Variants in TG observed in about 807,000 individuals in gnomAD.
TG encodes the protein thyroid hormones.
A neutral mutation model predicts 324.7 loss-of-function variants in TG; 270 were observed. That is an observed-to-expected ratio of 0.83 (90% CI 0.75 to 0.92). TG has a LOEUF of 0.92. Among genes scored for constraint, TG ranks in the 40% least tolerant of loss-of-function variants. The pLI is 0.00. For synonymous variants in TG, 1,401 were observed against 1,327.0 expected (o/e 1.06, Z -1.21); for missense variants, 3,591 against 3,456.4 (o/e 1.04, Z -0.98).
At chr8:133,012,369 T>G (rs781653210) in intron 36 of TG, among the ~76,000 whole-genome samples, 1 of 152,144 alleles carries the variant, frequency 6.6e-6, no homozygotes, top group Non-Finnish European at 1.5e-5. Flanking sequence ...GGTGGGCTGT[T>G]GTGGTGAGGA....
At position 132,999,718 on chromosome 8, in the gene TG, G is replaced by C. The variant is rs73708811; in HGVS notation, c.6263-12183G>C. Among the ~76,000 whole-genome samples, 1,348 of 152,290 alleles carry C rather than the reference G, an allele frequency of 8.9e-3. 14 individuals carry two copies. The highest frequency in any genetic ancestry group is 0.031 in the African/African-American group (1,282 of 41,546). On this transcript the variant is annotated intron_variant, in intron 35 of 47. Transcript: ENST00000220616. The stretch of plus-strand genomic sequence containing the variant: ...TATGCAGCAGAGAACAAATGTGGCT[G>C]GTGAGGCCTACAATATTTACTACCT...
At chr8:133,023,741 A>G (rs1346356495) in intron 40 of TG, among the ~76,000 whole-genome samples, 1 of 152,156 alleles carries the variant, frequency 6.6e-6, no homozygotes, top group Admixed American at 6.5e-5. Context: ...GGCTTAGAGC[A>G]TTTCTAGACA....
chr8:132,956,337 A>T (rs903592562), intron 27 of TG, among the ~76,000 whole-genome samples: 1 of 151,772 alleles, frequency 6.6e-6, no homozygotes, highest in Non-Finnish European at 1.5e-5. Context: ...GTGCTGGGGG[A>T]GTGGGTGATA....
chr8:133,130,649 A>C (rs1177266763), intron 45 of TG, among the ~76,000 whole-genome samples: 1 of 152,184 alleles, frequency 6.6e-6, no homozygotes, highest in Non-Finnish European at 1.5e-5. Context: ...TATTCTCCCC[A>C]GGGCTTTCAG....
At chr8:133,042,591 C>T (rs1338750271) in intron 41 of TG, among the ~76,000 whole-genome samples, 1 of 149,796 alleles carries the variant, frequency 6.7e-6, no homozygotes, top group Non-Finnish European at 1.5e-5. Context: ...AAGTAATTTG[C>T]CTAAAGGCAT....
At chr8:132,874,700 G>A (rs1839799543) in intron 5 of TG, among the ~76,000 whole-genome samples, 1 of 152,158 alleles carries the variant, frequency 6.6e-6, no homozygotes, top group African/African-American at 2.4e-5. Flanking sequence ...CTTTTATTAG[G>A]TTGAACCCCA....
chr8:133,012,104 A>T, intron 36 of TG, 69 bp downstream of exon 36: 1 of 1,600,996 alleles, frequency 6.2e-7, no homozygotes, highest in Non-Finnish European at 8.6e-7. Flanking sequence ...CAAGATTCTC[A>T]ACTTAGAAAA....
At chr8:132,994,352 T>C (rs1258256413) in intron 35 of TG, among the ~76,000 whole-genome samples, 3 of 152,150 alleles carry the variant, frequency 2.0e-5, no homozygotes, top group Admixed American at 1.3e-4. Context: ...AACAAGTGGG[T>C]AAACCGGTTC....
At chr8:132,912,070 C>T (rs1262856072) in intron 19 of TG, among the ~76,000 whole-genome samples, 1 of 152,172 alleles carries the variant, frequency 6.6e-6, no homozygotes, top group Non-Finnish European at 1.5e-5. Context: ...GAGGCAAGTC[C>T]ATTTTCTCTT....
In TG at chr8:133,025,444, A is replaced by G. The variant is rs373377520; in HGVS notation, c.7036+3294A>G. Among the ~76,000 whole-genome samples the G allele has an allele frequency of 6.4e-4, 98 of 152,338 alleles. 2 individuals are homozygous for G. The South Asian group carries it at 0.019, about 30-fold the overall frequency. On this transcript the variant is annotated intron_variant, in intron 40 of 47. Transcript: ENST00000220616. ...TATTATTTAGACCTGTTTTAAGTTT[A>G]TAGAAAAGTGAGCAGAAAGGACAGA...
chr8:133,056,863 A>G (rs766510106), intron 41 of TG, among the ~76,000 whole-genome samples: 5 of 152,142 alleles, frequency 3.3e-5, no homozygotes, highest in Non-Finnish European at 7.4e-5. Context: ...GTGGTCTGCA[A>G]GCTTTAGGGG....
intron 26 of TG, among the ~76,000 whole-genome samples, chr8:132,947,192 C>T (rs1321414865): frequency 3.3e-5 from 5 of 152,284 alleles, no homozygotes; most frequent in Non-Finnish European, 5.9e-5. Flanking sequence ...ATCTGTAAAA[C>T]GAGGTGGTCT....
chr8:132,886,282 C>T (rs1446357102), intron 8 of TG, among the ~76,000 whole-genome samples, 166 bp from the exon 9 acceptor site: 1 of 152,118 alleles, frequency 6.6e-6, no homozygotes, highest in African/African-American at 2.4e-5. Flanking sequence ...AAAGGCAGCT[C>T]AGGGGAAAGG....
chr8:133,015,653 G>A (rs1287505457), intron 37 of TG, among the ~76,000 whole-genome samples: 1 of 152,158 alleles, frequency 6.6e-6, no homozygotes, highest in African/African-American at 2.4e-5. Context: ...GATGTGCCAC[G>A]TATACAAAAT....
intron 22 of TG, among the ~76,000 whole-genome samples, chr8:132,928,686 C>T (rs111361228): frequency 3.7e-4 from 56 of 152,132 alleles, no homozygotes; most frequent in African/African-American, 1.0e-3. Context: ...TACCTCATTT[C>T]GGAAAGAATT....
intron 41 of TG, chr8:133,049,394 C>T: frequency 9.9e-6 from 3 of 304,062 alleles, no homozygotes; most frequent in South Asian, 5.8e-5. Context: ...AAGAACTACA[C>T]ATGTATCATT....
At chr8:133,118,366 C>T (rs188283188) in intron 45 of TG, among the ~76,000 whole-genome samples, 278 of 148,352 alleles carry the variant, frequency 1.9e-3, no homozygotes, top group African/African-American at 6.8e-3. Flanking sequence ...CCTCTGTTGC[C>T]CAGGCTGCAG....
At chr8:133,106,120 A>G (rs1056065156) in intron 43 of TG, among the ~76,000 whole-genome samples, 10 of 152,124 alleles carry the variant, frequency 6.6e-5, no homozygotes, top group African/African-American at 2.4e-4. Flanking sequence ...GAAGGTCTGA[A>G]AGAGCCAGTG....
At chr8:133,074,970 T>C (rs2703006) in intron 41 of TG, 792,525 of 985,334 alleles carry the variant, frequency 0.8, 319,725 homozygotes, top group African/African-American at 0.96. Flanking sequence ...GCAGCCGGGC[T>C]TCTCGCGGTT....
Sources: gnomAD v4.1 joint callset for allele counts (sites outside exome capture counted in the v4.1 genomes callset) on GRCh38, gnomAD v4.1.1 for gene constraint, MANE v1.5 for transcripts, NCBI Gene and HGNC (gene_info 2026-07-23, HGNC 2026-07-21) for gene names.